The following PACRG variants were observed in gnomAD, a reference collection of about 807,000 sequenced individuals.
PACRG encodes parkin coregulated.
In PACRG, 29 loss-of-function variants were observed where a neutral mutation model predicts 29.7. That is an observed-to-expected ratio of 0.98 (90% CI 0.73 to 1.33). The LOEUF (loss-of-function observed/expected upper bound fraction) is 1.33, where lower values mean the gene tolerates loss of function less well. Among genes scored for constraint, PACRG ranks in the 40% most tolerant of loss-of-function variants. The probability of loss-of-function intolerance (pLI) is 0.00; values close to 1 mark genes in which losing one functional copy is unlikely to be tolerated. For synonymous variants in PACRG, 116 were observed against 118.7 expected (o/e 0.98, Z 0.15); for missense variants, 279 against 316.2 (o/e 0.88, Z 0.89).
intron 4 of PACRG, among the ~76,000 whole-genome samples, chr6:163,217,145 A>C (rs1781394701): frequency 6.6e-6 from 1 of 152,234 alleles, no homozygotes; most frequent in Admixed American, 6.5e-5. Context: ...AGGCTTGGCG[A>C]TAGAGGCTTA....
Position 163,199,515 on chromosome 6 carries a change from G to A in PACRG, c.613+110107G>A, listed in dbSNP as rs914031056. On this transcript the variant is annotated intron_variant, in intron 4 of 4. Transcript: ENST00000366888. Reference sequence around the variant, plus strand: ...GGGAGGAAACCCAGCCACAGAGCAGGCAAGGACCTAGGCCTTGATCACACA... The same window carrying A: ...GGGAGGAAACCCAGCCACAGAGCAGACAAGGACCTAGGCCTTGATCACACA... Among the ~76,000 whole-genome samples the A allele has an allele frequency of 2.0e-5, 3 of 152,176 alleles. No homozygotes were observed. The East Asian group carries it at 5.8e-4, about 29-fold the overall frequency.
At chr6:162,826,753 G>C (rs184896767) in intron 2 of PACRG, among the ~76,000 whole-genome samples, 1 of 152,038 alleles carries the variant, frequency 6.6e-6, no homozygotes, top group African/African-American at 2.4e-5. Context: ...GTGAGCCACC[G>C]CACCCAGCCA....
At chr6:162,917,596 C>A (rs1266801068) in intron 2 of PACRG, among the ~76,000 whole-genome samples, 3 of 152,082 alleles carry the variant, frequency 2.0e-5, no homozygotes, top group African/African-American at 7.2e-5. Context: ...AGAATGCATA[C>A]CCCATAGCCA....
intron 4 of PACRG, among the ~76,000 whole-genome samples, chr6:163,289,596 G>A (rs1350710775): frequency 1.3e-5 from 2 of 152,170 alleles, no homozygotes; most frequent in African/African-American, 4.8e-5. Context: ...AATAGCTGCA[G>A]TCTAAATACC....
At chr6:163,179,074 C>G in intron 4 of PACRG, 1 of 369,672 alleles carries the variant, frequency 2.7e-6, no homozygotes, top group South Asian at 2.0e-5. Flanking sequence ...ATATTTACCA[C>G]ACAGGACTTA....
At chr6:162,962,366 G>T (rs760893263) in intron 2 of PACRG, among the ~76,000 whole-genome samples, 17 of 152,210 alleles carry the variant, frequency 1.1e-4, no homozygotes, top group Non-Finnish European at 2.1e-4. Flanking sequence ...TTCTGAGAAA[G>T]TTGTTGACTC....
intron 2 of PACRG, among the ~76,000 whole-genome samples, chr6:163,039,214 G>A (rs1808475729): frequency 6.6e-6 from 1 of 152,188 alleles, no homozygotes; most frequent in African/African-American, 2.4e-5. Flanking sequence ...CAAGTAAGAT[G>A]TGCCTTGCTC....
intron 4 of PACRG, among the ~76,000 whole-genome samples, chr6:163,130,224 C>T (rs1458176958): frequency 3.3e-5 from 5 of 152,218 alleles, no homozygotes; most frequent in Non-Finnish European, 7.3e-5. Context: ...GGTGGCTGCA[C>T]TGAGCACCTT....
chr6:162,889,306 C>CT (rs1381368205), intron 2 of PACRG, among the ~76,000 whole-genome samples: 1 of 152,142 alleles, frequency 6.6e-6, no homozygotes, highest in Non-Finnish European at 1.5e-5. Context: ...TTGAATGCCT[C>CT]TTGCCACTAA....
At chr6:163,129,601 C>T (rs1392444985) in intron 4 of PACRG, among the ~76,000 whole-genome samples, 1 of 152,148 alleles carries the variant, frequency 6.6e-6, no homozygotes, top group Non-Finnish European at 1.5e-5. Context: ...GTCCAGTGGC[C>T]GCCCAGGTTT....
intron 2 of PACRG, among the ~76,000 whole-genome samples, chr6:162,817,122 C>T (rs1460636153): frequency 2.0e-5 from 3 of 152,196 alleles, no homozygotes; most frequent in African/African-American, 7.2e-5. Context: ...CTCCGAAGGA[C>T]TTAGGATGCA....
intron 4 of PACRG, among the ~76,000 whole-genome samples, chr6:163,314,070 T>G (rs960633915): frequency 1.3e-5 from 2 of 152,164 alleles, no homozygotes; most frequent in Non-Finnish European, 2.9e-5. Context: ...TCCTGGCCTT[T>G]GAAGGCCACC....
chr6:163,134,975 A>C (rs186080418), intron 4 of PACRG, among the ~76,000 whole-genome samples: 1 of 152,254 alleles, frequency 6.6e-6, no homozygotes, highest in Admixed American at 6.5e-5. Flanking sequence ...CTCTGAGGTG[A>C]TGAGTTTCCT....
chr6:163,293,380 G>A (rs1381806032), intron 4 of PACRG, among the ~76,000 whole-genome samples: 3 of 152,154 alleles, frequency 2.0e-5, no homozygotes, highest in African/African-American at 4.8e-5. Context: ...CCTTAGCTCC[G>A]TGCAGGTAAA....
chr6:163,143,622 A>G (rs965666939), intron 4 of PACRG, among the ~76,000 whole-genome samples: 5 of 152,222 alleles, frequency 3.3e-5, no homozygotes, highest in African/African-American at 1.2e-4. Flanking sequence ...CTGTGTGTAC[A>G]TATACAGTTG....
rs990245103 is a variant in PACRG, at chr6:163,228,432, C to A, written c.614-86395C>A. ...TGGAATAAGTAAACCTAGAAGAGTA[C>A]CTGGCACACAGCGGAGGCTCAACAT... On this transcript the variant is annotated intron_variant, in intron 4 of 4. Transcript: ENST00000366888. Among the ~76,000 whole-genome samples, 14 of 146,834 alleles carry A rather than the reference C, an allele frequency of 9.5e-5. No individual in the cohort carries two copies. The East Asian group carries it at 2.6e-3, about 27-fold the overall frequency.
At chr6:163,267,595 C>T (rs755696380) in intron 4 of PACRG, among the ~76,000 whole-genome samples, 11 of 152,198 alleles carry the variant, frequency 7.2e-5, no homozygotes, top group Non-Finnish European at 1.5e-4. Flanking sequence ...ATTAATGAGA[C>T]ATTACAGATG....
intron 4 of PACRG, among the ~76,000 whole-genome samples, chr6:163,262,566 A>C (rs1190456009): frequency 6.6e-6 from 1 of 151,868 alleles, no homozygotes; most frequent in Non-Finnish European, 1.5e-5. Context: ...ACAAATTGAC[A>C]TGTGCTTGTG....
intron 2 of PACRG, among the ~76,000 whole-genome samples, chr6:162,880,527 T>C (rs1316186047): frequency 6.6e-6 from 1 of 152,226 alleles, no homozygotes; most frequent in African/African-American, 2.4e-5. Context: ...CTGAGGTAGA[T>C]GGTGGCATGC....
Sources: allele counts gnomAD v4.1 joint callset (sites outside exome capture counted in the v4.1 genomes callset), GRCh38; gene constraint gnomAD v4.1.1; transcripts MANE v1.5; gene names NCBI Gene and HGNC (gene_info 2026-07-23, HGNC 2026-07-21).